Variants in MATN2 observed in about 807,000 individuals in gnomAD.
MATN2 encodes matrilin 2, also known as matrilin-2.
A neutral mutation model predicts 103.2 loss-of-function variants in MATN2; 69 were observed. That is an observed-to-expected ratio of 0.67 (90% CI 0.55 to 0.82). The LOEUF is 0.82. Among genes scored for constraint, MATN2 ranks in the 40% least tolerant of loss-of-function variants. The pLI is 0.00. For synonymous variants in MATN2, 429 were observed against 450.2 expected, an observed-to-expected ratio of 0.95 and a Z score of 0.60; for missense variants, 1,023 against 1,211.5, an observed-to-expected ratio of 0.84 and a Z score of 2.31.
intron 15 of MATN2, chr8:98,031,404 T>C (rs1814014330): frequency 6.6e-6 from 1 of 152,058 alleles, no homozygotes; most frequent in Admixed American, 6.6e-5. Context: ...TAGCTACCAT[T>C]GTTTGCGCCC....
chr8:98,019,713 G>C (rs1813513672), intron 12 of MATN2, among the ~76,000 whole-genome samples: 1 of 152,218 alleles, frequency 6.6e-6, no homozygotes, highest in Admixed American at 6.5e-5. Context: ...GAGATTCTGA[G>C]CTGGTAATTC....
At chr8:97,969,390 C>T (rs961217762) in intron 5 of MATN2, among the ~76,000 whole-genome samples, 2 of 152,170 alleles carry the variant, frequency 1.3e-5, no homozygotes, top group African/African-American at 2.4e-5. Flanking sequence ...GTAATATATA[C>T]ATTGTAAGGT....
chr8:97,875,525 C>A (rs1818038370), intron 1 of MATN2, among the ~76,000 whole-genome samples: 1 of 152,122 alleles, frequency 6.6e-6, no homozygotes, highest in South Asian at 2.1e-4. Context: ...TAACTGCCCC[C>A]AAGATCTGCA....
At chr8:97,898,614 A>C (rs1818891735) in intron 2 of MATN2, among the ~76,000 whole-genome samples, 1 of 152,002 alleles carries the variant, frequency 6.6e-6, no homozygotes. Flanking sequence ...AAAAAAAAAA[A>C]ATAGTAGTGA....
chr8:97,882,281 GTAT>G (rs1462248100), intron 1 of MATN2, among the ~76,000 whole-genome samples: 2 of 151,270 alleles, frequency 1.3e-5, no homozygotes, highest in Non-Finnish European at 3.0e-5. Context: ...TTTTTTTAAT[GTAT>G]TATTTTTAAT....
chr8:97,906,086 A>G (rs1819160604), intron 2 of MATN2, among the ~76,000 whole-genome samples: 1 of 152,156 alleles, frequency 6.6e-6, no homozygotes. Context: ...TGGTAATTCT[A>G]TGTTTAACTT....
intron 3 of MATN2, among the ~76,000 whole-genome samples, chr8:97,938,481 G>A (rs1006935972): frequency 1.3e-5 from 2 of 152,088 alleles, no homozygotes; most frequent in Non-Finnish European, 2.9e-5. Context: ...AGAAAACATC[G>A]TACATGAATT....
At chr8:97,899,334 A>G (rs916944145) in intron 2 of MATN2, among the ~76,000 whole-genome samples, 1 of 152,204 alleles carries the variant, frequency 6.6e-6, no homozygotes, top group Non-Finnish European at 1.5e-5. Flanking sequence ...GGAAAAGTAA[A>G]TTAACGGACT....
intron 1 of MATN2, among the ~76,000 whole-genome samples, chr8:97,885,122 T>C (rs989703128): frequency 7.2e-5 from 11 of 152,218 alleles, no homozygotes; most frequent in African/African-American, 2.4e-4. Context: ...TGATGTTTGT[T>C]TTTTGGAAAT....
At chr8:98,002,531 TGA>T (rs1422232385) in intron 7 of MATN2, among the ~76,000 whole-genome samples, 4 of 152,230 alleles carry the variant, frequency 2.6e-5, no homozygotes, top group Admixed American at 6.5e-5. Context: ...CAGGTTAACC[TGA>T]GAGAGATACT....
chr8:97,965,193 A>G (rs1217968098), intron 5 of MATN2, among the ~76,000 whole-genome samples: 2 of 152,324 alleles, frequency 1.3e-5, no homozygotes, highest in African/African-American at 4.8e-5. Context: ...GTATACATGA[A>G]GTAGGAGATG....
At chr8:97,977,235 C>CAAAA (rs34634037) in intron 5 of MATN2, among the ~76,000 whole-genome samples, 44 of 35,938 alleles carry the variant, frequency 1.2e-3, no homozygotes, top group African/African-American at 2.0e-3. Context: ...GACCCTGTCT[C>CAAAA]AAAAAAAAAA....
At chr8:97,877,677 AT>A (rs1818122242) in intron 1 of MATN2, among the ~76,000 whole-genome samples, 1 of 152,052 alleles carries the variant, frequency 6.6e-6, no homozygotes, top group South Asian at 2.1e-4. Context: ...CATAAATGCA[AT>A]TCCACCTGCA....
At chr8:98,029,585 G>C (rs985204002) in intron 14 of MATN2, among the ~76,000 whole-genome samples, 1 of 152,170 alleles carries the variant, frequency 6.6e-6, no homozygotes, top group South Asian at 2.1e-4. Flanking sequence ...TTAGGAAGTC[G>C]TGCATAAAAT....
intron 12 of MATN2, chr8:98,020,981 C>A: frequency 2.5e-6 from 1 of 404,544 alleles, no homozygotes; most frequent in South Asian, 3.0e-5. Flanking sequence ...TCAAGGACAC[C>A]TAATCACCCA....
At chr8:97,881,165 A>G (rs1441493810) in intron 1 of MATN2, among the ~76,000 whole-genome samples, 1 of 152,158 alleles carries the variant, frequency 6.6e-6, no homozygotes, top group Non-Finnish European at 1.5e-5. Flanking sequence ...AGGTGGGGTT[A>G]CCACTGGAGA....
chr8:98,023,256 CAAAA>C (rs1203424794), intron 13 of MATN2, among the ~76,000 whole-genome samples: 2 of 151,568 alleles, frequency 1.3e-5, no homozygotes, highest in Non-Finnish European at 2.9e-5. Context: ...GGCTCTGTCT[CAAAA>C]AAACAAATAA....
At chr8:97,887,191 C>T (rs924979965) in intron 1 of MATN2, among the ~76,000 whole-genome samples, 1 of 151,962 alleles carries the variant, frequency 6.6e-6, no homozygotes, top group African/African-American at 2.4e-5. Context: ...CACACCTGGA[C>T]TTTTTTAACT....
chr8:97,997,036 C>A (rs1036222466), intron 7 of MATN2, among the ~76,000 whole-genome samples: 5 of 152,236 alleles, frequency 3.3e-5, no homozygotes, highest in Admixed American at 2.0e-4. Flanking sequence ...CATCTGGGCA[C>A]AATTTCTCCT....
Sources: gnomAD v4.1 joint callset for allele counts (sites outside exome capture counted in the v4.1 genomes callset) on GRCh38, gnomAD v4.1.1 for gene constraint, MANE v1.5 for transcripts, NCBI Gene and HGNC (gene_info 2026-07-23, HGNC 2026-07-21) for gene names.